The following GMDS variants were observed in gnomAD, a reference collection of about 807,000 sequenced individuals.
The protein encoded by GMDS is GDP-mannose 4,6 dehydratase.
In GMDS, 20 loss-of-function variants were observed where a neutral mutation model predicts 49.9. The observed-to-expected ratio is 0.40, with a 90% confidence interval of 0.28 to 0.58. The LOEUF is 0.58. Among genes scored for constraint, GMDS ranks in the 20% least tolerant of loss-of-function variants. The pLI is 0.42. For missense variants in GMDS, 362 were observed against 481.4 expected (o/e 0.75, Z 2.32); for synonymous variants, 177 against 178.6 (o/e 0.99, Z 0.07).
At chr6:1,875,808 C>T (rs926147960) in intron 7 of GMDS, among the ~76,000 whole-genome samples, 1 of 151,464 alleles carries the variant, frequency 6.6e-6, no homozygotes, top group African/African-American at 2.4e-5. Context: ...AGCGCAACAC[C>T]TGAGGTCACG....
At chr6:2,134,892 CCTGTAATTT>C (rs1775917237) in intron 1 of GMDS, among the ~76,000 whole-genome samples, 2 of 152,224 alleles carry the variant, frequency 1.3e-5, no homozygotes, top group Admixed American at 1.3e-4. Context: ...ATCTTACATT[CCTGTAATTT>C]CTTATAGTTG....
chr6:1,871,038 A>T (rs1466459878), intron 7 of GMDS, among the ~76,000 whole-genome samples: 1 of 148,262 alleles, frequency 6.7e-6, no homozygotes, highest in East Asian at 2.0e-4. Context: ...GCATCCACCC[A>T]TCCATATCAC....
rs77790850 is a variant in GMDS at position 2,209,734 on chromosome 6, G to A, written c.102+35587C>T. 3.0e-3 allele frequency among the ~76,000 whole-genome samples: 460 copies of A among 152,208 alleles called. 1 individual carries two copies. The highest frequency in any genetic ancestry group is 4.7e-3 in the Non-Finnish European group (321 of 68,008). ...AGTAAGTGGCCCTAAAAAAGGACAC[G>A]TAAGAAAAAATAATTTTAAAATTGG... On this transcript the variant is annotated intron_variant, in intron 1 of 10. Coordinates refer to ENST00000380815, the MANE Select transcript of GMDS (RefSeq NM_001500.4).
intron 6 of GMDS, among the ~76,000 whole-genome samples, chr6:1,939,105 T>G (rs114932819): frequency 1.7e-3 from 263 of 152,254 alleles, no homozygotes; most frequent in African/African-American, 6.2e-3. Flanking sequence ...CTTGCTTGCT[T>G]ATTTTTTCTG....
intron 4 of GMDS, among the ~76,000 whole-genome samples, chr6:2,068,428 G>C (rs1238652429): frequency 6.6e-6 from 1 of 152,054 alleles, no homozygotes; most frequent in African/African-American, 2.4e-5. Context: ...CAATTAGGCA[G>C]GAGAAGGAAA....
intron 1 of GMDS, among the ~76,000 whole-genome samples, chr6:2,205,378 C>G (rs1779761164): frequency 6.6e-6 from 1 of 152,182 alleles, no homozygotes; most frequent in East Asian, 1.9e-4. Flanking sequence ...CCCACACATC[C>G]TGCCGCCTTC....
At chr6:1,970,628 C>A (rs893229900) in intron 4 of GMDS, among the ~76,000 whole-genome samples, 4 of 152,052 alleles carry the variant, frequency 2.6e-5, no homozygotes, top group African/African-American at 9.7e-5. Flanking sequence ...GTCGAGTAGA[C>A]AGAGGTTTGA....
intron 1 of GMDS, among the ~76,000 whole-genome samples, chr6:2,133,362 A>G (rs1775842009): frequency 6.6e-6 from 1 of 152,252 alleles, no homozygotes; most frequent in African/African-American, 2.4e-5. Context: ...TAAAAAGGTC[A>G]TAAGAATAAC....
At chr6:1,641,704 TTCTC>T (rs67714741) in intron 9 of GMDS, among the ~76,000 whole-genome samples, 2,155 of 147,910 alleles carry the variant, frequency 0.015, 31 homozygotes, top group African/African-American at 0.044. Flanking sequence ...CTCGGATGAT[TTCTC>T]TCTCTCTCTC....
chr6:1,667,101 A>G (rs955522303), intron 9 of GMDS, among the ~76,000 whole-genome samples: 1 of 152,202 alleles, frequency 6.6e-6, no homozygotes, highest in African/African-American at 2.4e-5. Context: ...CATTGACTCA[A>G]TGAGGACAGC....
intron 4 of GMDS, among the ~76,000 whole-genome samples, chr6:1,976,934 T>C (rs1356819316): frequency 1.3e-5 from 2 of 152,190 alleles, no homozygotes; most frequent in African/African-American, 4.8e-5. Flanking sequence ...ATTATTCTAC[T>C]ACAACGCAGG....
chr6:2,104,905 G>A (rs538299978), intron 4 of GMDS, among the ~76,000 whole-genome samples: 2 of 151,930 alleles, frequency 1.3e-5, no homozygotes, highest in Non-Finnish European at 2.9e-5. Flanking sequence ...AAACCTAACC[G>A]GGTGCGGTGG....
chr6:2,010,875 T>C (rs993630808), intron 4 of GMDS, among the ~76,000 whole-genome samples: 1 of 152,204 alleles, frequency 6.6e-6, no homozygotes, highest in African/African-American at 2.4e-5. Context: ...AAGTATATTA[T>C]TGTCAACCTC....
intron 1 of GMDS, among the ~76,000 whole-genome samples, chr6:2,198,639 T>C (rs1779378103): frequency 6.6e-6 from 1 of 152,252 alleles, no homozygotes. Flanking sequence ...AAATTTCATT[T>C]TACTGCTACG....
intron 6 of GMDS, among the ~76,000 whole-genome samples, chr6:1,934,878 C>T (rs189371059): frequency 3.1e-4 from 47 of 152,110 alleles, no homozygotes; most frequent in African/African-American, 9.9e-4. Flanking sequence ...GAAAGAGAAA[C>T]GCACAGAGGC....
At position 1,675,290 on chromosome 6, in the gene GMDS, G is replaced by A. The variant is rs4959587; in HGVS notation, c.988-50750C>T. Among the ~76,000 whole-genome samples, 19 of 151,028 alleles carry A rather than the reference G, an allele frequency of 1.3e-4. No homozygotes were observed. In the South Asian group the frequency reaches 2.1e-3, roughly 17 times the overall value. On this transcript the variant is annotated intron_variant, in intron 9 of 10. Coordinates refer to ENST00000380815, the MANE Select transcript of GMDS (RefSeq NM_001500.4). ...GACTGTTGTATATTAAACTTGTATC[G>A]TGCAACCTTGCTATAAATTAGTTCC...
intron 7 of GMDS, among the ~76,000 whole-genome samples, chr6:1,746,837 G>T (rs1767518325): frequency 6.6e-6 from 1 of 151,984 alleles, no homozygotes; most frequent in Non-Finnish European, 1.5e-5. Context: ...GAGTAGCTGG[G>T]ATTATAGTTG....
intron 2 of GMDS, among the ~76,000 whole-genome samples, chr6:2,123,441 C>T (rs1290371890): frequency 1.3e-5 from 2 of 152,206 alleles, no homozygotes; most frequent in African/African-American, 4.8e-5. Context: ...TCACTCGATA[C>T]ACAACAACAT....
chr6:1,721,497 A>C (rs1370880286), intron 9 of GMDS, among the ~76,000 whole-genome samples: 1 of 152,196 alleles, frequency 6.6e-6, no homozygotes, highest in Non-Finnish European at 1.5e-5. Context: ...AGTAAACATC[A>C]GCTAGTAGAG....
Sources: allele counts gnomAD v4.1 joint callset (sites outside exome capture counted in the v4.1 genomes callset), GRCh38; gene constraint gnomAD v4.1.1; transcripts MANE v1.5; gene names NCBI Gene and HGNC (gene_info 2026-07-23, HGNC 2026-07-21).